KHDRBS3: variants seen among roughly 807,000 people sequenced by gnomAD.
KHDRBS3 encodes KH domain-containing, RNA-binding, signal transduction-associated protein 3.
In KHDRBS3, 23 loss-of-function variants were observed where a neutral mutation model predicts 45.6. That is an observed-to-expected ratio of 0.50 (90% confidence interval 0.36 to 0.72). KHDRBS3 has a LOEUF of 0.72. Ranked by LOEUF, KHDRBS3 falls within the 30% of genes least tolerant of loss-of-function variation. KHDRBS3 has a pLI of 0.00. For missense variants in KHDRBS3, 352 were observed against 424.8 expected (o/e 0.83, Z 1.51); for synonymous variants, 162 against 156.5 (o/e 1.04, Z -0.26).
At chr8:135,591,595 A>G (rs1420051946) in intron 6 of KHDRBS3, among the ~76,000 whole-genome samples, 1 of 152,232 alleles carries the variant, frequency 6.6e-6, no homozygotes, top group Admixed American at 6.5e-5. Flanking sequence ...GTACATGGGA[A>G]TAGAGGGACC....
downstream of KHDRBS3, among the ~76,000 whole-genome samples, chr8:135,649,643 G>A (rs1831388189): frequency 6.6e-6 from 1 of 152,122 alleles, no homozygotes; most frequent in Non-Finnish European, 1.5e-5. Context: ...GAATGGGAAT[G>A]TGACGTCCAC....
At chr8:135,477,478 A>G (rs1455678076) in intron 1 of KHDRBS3, among the ~76,000 whole-genome samples, 2 of 152,256 alleles carry the variant, frequency 1.3e-5, no homozygotes, top group African/African-American at 4.8e-5. Context: ...AAGAATACTC[A>G]GAGAACACAA....
At chr8:135,493,376 T>C (rs1823255803) in intron 1 of KHDRBS3, among the ~76,000 whole-genome samples, 1 of 152,198 alleles carries the variant, frequency 6.6e-6, no homozygotes, top group Non-Finnish European at 1.5e-5. Context: ...TCTTTTTTTC[T>C]GATCATAGGG....
At chr8:135,508,805 G>A (rs774774256) in intron 1 of KHDRBS3, among the ~76,000 whole-genome samples, 1 of 152,148 alleles carries the variant, frequency 6.6e-6, no homozygotes, top group Non-Finnish European at 1.5e-5. Context: ...CTAAGGGACT[G>A]GTCTGTTTGG....
intron 1 of KHDRBS3, 67 bp from the exon 2 acceptor site, chr8:135,521,170 T>G: frequency 1.1e-6 from 1 of 910,352 alleles, no homozygotes; most frequent in Non-Finnish European, 1.8e-6. Context: ...ACTACAGAGC[T>G]AACCAGAACA....
intron 1 of KHDRBS3, among the ~76,000 whole-genome samples, chr8:135,502,565 G>A (rs1306051642): frequency 1.3e-5 from 2 of 152,000 alleles, no homozygotes; most frequent in Non-Finnish European, 2.9e-5. Context: ...ACTTTACATT[G>A]TGAGTATCCA....
chr8:135,605,174 TC>T (rs1009494288), intron 6 of KHDRBS3, among the ~76,000 whole-genome samples: 1 of 151,956 alleles, frequency 6.6e-6, no homozygotes, highest in Non-Finnish European at 1.5e-5. Flanking sequence ...TTACAGTTTT[TC>T]ATTAAATTTT....
chr8:135,524,774 A>T (rs1210722784), intron 2 of KHDRBS3, among the ~76,000 whole-genome samples: 4 of 149,924 alleles, frequency 2.7e-5, no homozygotes, highest in Non-Finnish European at 5.9e-5. Context: ...TTCTGTTCTC[A>T]TTTTGCTATT....
chr8:135,626,591 CAGG>C (rs1830372866), intron 7 of KHDRBS3, among the ~76,000 whole-genome samples: 1 of 152,028 alleles, frequency 6.6e-6, no homozygotes, highest in South Asian at 2.1e-4. Flanking sequence ...ATCACGAGGT[CAGG>C]AGATCGAGAC....
At chr8:135,543,889 C>T (rs1034910746) in intron 3 of KHDRBS3, among the ~76,000 whole-genome samples, 8 of 152,048 alleles carry the variant, frequency 5.3e-5, no homozygotes, top group Non-Finnish European at 1.0e-4. Context: ...AAGTAGATTC[C>T]CATACCTCTA....
intron 8 of KHDRBS3, among the ~76,000 whole-genome samples, 176 bp downstream of exon 8, chr8:135,645,293 A>G (rs1831238274): frequency 6.6e-6 from 1 of 152,216 alleles, no homozygotes; most frequent in South Asian, 2.1e-4. Context: ...AAATATTTGA[A>G]GAGGACTAAA....
At chr8:135,578,121 G>GT (rs1259561210) in intron 5 of KHDRBS3, among the ~76,000 whole-genome samples, 1 of 152,072 alleles carries the variant, frequency 6.6e-6, no homozygotes, top group Non-Finnish European at 1.5e-5. Context: ...TTTTTTCTGT[G>GT]TTTTGGATAC....
At position 135,459,737 on chromosome 8, in the gene KHDRBS3, C is replaced by T. The variant is rs1010105422; in HGVS notation, c.88+1783C>T. Among the ~76,000 whole-genome samples the T allele has an allele frequency of 2.0e-5, 3 of 152,112 alleles. No individual in the cohort carries two copies. The East Asian group carries it at 5.8e-4, about 29-fold the overall frequency. On this transcript the variant is annotated intron_variant, in intron 1 of 8. Coordinates refer to ENST00000355849, the MANE Select transcript of KHDRBS3 (RefSeq NM_006558.3). ...TAAAAGTCAGAATTATTTTCTCTGCCGTGTTGCCATAGTATTGTGTTGCTA... is the reference window on the plus strand; with the variant it reads ...TAAAAGTCAGAATTATTTTCTCTGCTGTGTTGCCATAGTATTGTGTTGCTA...
rs565988055 is a variant in KHDRBS3 at position 135,634,608 on chromosome 8, T to C, written c.891-10451T>C. On this transcript the variant is annotated intron_variant, in intron 7 of 8. Transcript: ENST00000355849. ...GCACTAGTAGATAAAACATGCCAGT[T>C]AGGGAACTGAAGCTATTCCCATGTT... Among the ~76,000 whole-genome samples the C allele has an allele frequency of 4.6e-5, 7 of 152,350 alleles. No homozygotes were observed. In the South Asian group the frequency reaches 1.4e-3, roughly 32 times the overall value.
chr8:135,550,979 T>C (rs975228424), intron 4 of KHDRBS3, among the ~76,000 whole-genome samples: 1 of 152,202 alleles, frequency 6.6e-6, no homozygotes, highest in African/African-American at 2.4e-5. Flanking sequence ...TATTGTATAC[T>C]TTTTGATACT....
At chr8:135,603,580 C>T (rs1384868656) in intron 6 of KHDRBS3, among the ~76,000 whole-genome samples, 1 of 152,148 alleles carries the variant, frequency 6.6e-6, no homozygotes, top group Non-Finnish European at 1.5e-5. Flanking sequence ...CATTTAATGA[C>T]TATCATTTTA....
At chr8:135,646,354 T>A (rs1831287403) in intron 8 of KHDRBS3, among the ~76,000 whole-genome samples, 1 of 152,210 alleles carries the variant, frequency 6.6e-6, no homozygotes, top group Admixed American at 6.5e-5. Context: ...CTTTGTTCAG[T>A]ACGGATTTAG....
At chr8:135,462,038 T>C (rs1200126114) in intron 1 of KHDRBS3, among the ~76,000 whole-genome samples, 3 of 152,142 alleles carry the variant, frequency 2.0e-5, no homozygotes, top group Admixed American at 6.5e-5. Flanking sequence ...TAAAACTTGA[T>C]TTTTGGGGAC....
At chr8:135,486,696 C>T (rs574730637) in intron 1 of KHDRBS3, among the ~76,000 whole-genome samples, 27 of 152,204 alleles carry the variant, frequency 1.8e-4, no homozygotes, top group African/African-American at 6.5e-4. Context: ...ATATGTATGT[C>T]TTGTGTTTTG....
Sources: gnomAD v4.1 joint callset for allele counts (sites outside exome capture counted in the v4.1 genomes callset) on GRCh38, gnomAD v4.1.1 for gene constraint, MANE v1.5 for transcripts, NCBI Gene and HGNC (gene_info 2026-07-23, HGNC 2026-07-21) for gene names.